Variants in IL1RAPL1 observed in about 807,000 individuals in gnomAD.
The protein encoded by IL1RAPL1 is interleukin-1 receptor accessory protein-like 1.
A neutral mutation model predicts 48.4 loss-of-function variants in IL1RAPL1; 3 were observed. The ratio of observed to expected loss-of-function variants is 0.06; its 90% CI spans 0.03 to 0.16. The LOEUF (loss-of-function observed/expected upper bound fraction) is 0.16, where lower values mean the gene tolerates loss of function less well. Ranked by LOEUF, IL1RAPL1 falls within the 10% of genes least tolerant of loss-of-function variation. IL1RAPL1 has a pLI of 1.00. For missense variants in IL1RAPL1, 349 were observed against 530.6 expected, an observed-to-expected ratio of 0.66 and a Z score of 3.36; for synonymous variants, 185 against 187.7, an observed-to-expected ratio of 0.99 and a Z score of 0.12.
At chrX:28,610,784 A>T (rs1934137611) in intron 1 of IL1RAPL1, among the ~76,000 whole-genome samples, 1 of 110,685 alleles carries the variant, frequency 9.0e-6, no homozygotes, top group African/African-American at 3.3e-5. Context: ...AGGGATTTTA[A>T]TTCAGTAGGT....
intron 2 of IL1RAPL1, among the ~76,000 whole-genome samples, chrX:29,146,610 G>A (rs1235461406): frequency 4.5e-5 from 5 of 111,968 alleles, no homozygotes; most frequent in Admixed American, 9.6e-5. Context: ...ATTGCCTAGA[G>A]TAAGTCCAGA....
intron 2 of IL1RAPL1, among the ~76,000 whole-genome samples, chrX:29,179,204 G>A (rs1405714242): frequency 9.9e-5 from 11 of 111,055 alleles, no homozygotes; most frequent in South Asian, 7.7e-4. Flanking sequence ...CCATTTTCAC[G>A]ATATTGATTC....
At chrX:29,713,991 T>C (rs1306783541) in intron 6 of IL1RAPL1, among the ~76,000 whole-genome samples, 1 of 111,855 alleles carries the variant, frequency 8.9e-6, no homozygotes, top group Non-Finnish European at 1.9e-5. Flanking sequence ...TTTCTTCCCT[T>C]AAAACAGTGT....
At chrX:28,746,513 A>T (rs1428967735) in intron 1 of IL1RAPL1, among the ~76,000 whole-genome samples, 2 of 111,824 alleles carry the variant, frequency 1.8e-5, no homozygotes, top group Non-Finnish European at 3.8e-5. Context: ...TTGATATCCT[A>T]TTTTATAACC....
Position 29,011,582 on chromosome X carries a change from GACAA to G in IL1RAPL1, c.82+222162_82+222165del, listed in dbSNP as rs752638015. ...TAGAAACTGCAAACTAATCTGTAGT[GACAA>G]ACAACAGATCGGTGGTTGCCTAAAG... is the stretch of plus-strand genomic sequence containing the variant. On this transcript the variant is annotated intron_variant, in intron 2 of 10. Transcript: ENST00000378993. Among the ~76,000 whole-genome samples the G allele has an allele frequency of 2.0e-4, 22 of 112,447 alleles. No individual in the cohort carries two copies. In the South Asian group the frequency reaches 8.0e-3, roughly 41 times the overall value.
intron 5 of IL1RAPL1, among the ~76,000 whole-genome samples, chrX:29,666,988 C>A (rs1278800022): frequency 9.0e-6 from 1 of 111,437 alleles, no homozygotes; most frequent in Non-Finnish European, 1.9e-5. Flanking sequence ...ATTATTTAGG[C>A]AGTAGAAAAA....
At chrX:29,556,474 C>A (rs1318341507) in intron 5 of IL1RAPL1, among the ~76,000 whole-genome samples, 1 of 109,758 alleles carries the variant, frequency 9.1e-6, no homozygotes, top group Non-Finnish European at 1.9e-5. Flanking sequence ...ATAGTGAAAC[C>A]CTGTCTCTAC....
intron 8 of IL1RAPL1, among the ~76,000 whole-genome samples, chrX:29,924,138 G>A (rs1256050310): frequency 3.6e-5 from 4 of 111,872 alleles, no homozygotes; most frequent in Non-Finnish European, 5.6e-5. Flanking sequence ...CAATGAACTC[G>A]TATGTGTAAA....
Position 28,969,262 on chromosome X carries a change from G to A in IL1RAPL1, c.82+179837G>A, listed in dbSNP as rs897440399. On this transcript the variant is annotated intron_variant, in intron 2 of 10. Coordinates refer to ENST00000378993, the MANE Select transcript of IL1RAPL1 (RefSeq NM_014271.4). ...TATTAAAACCTACAGAGACAAACAT[G>A]TGTTTGAAATTAATTGTGTTATTCC... 3.0e-4 allele frequency among the ~76,000 whole-genome samples: 34 copies of A among 111,931 alleles called. 1 individual carries two copies. The highest frequency in any genetic ancestry group is 1.9e-5 in the Non-Finnish European group (1 of 53,163).
At chrX:29,145,299 G>A (rs1228306189) in intron 2 of IL1RAPL1, among the ~76,000 whole-genome samples, 1 of 111,890 alleles carries the variant, frequency 8.9e-6, no homozygotes, top group African/African-American at 3.3e-5. Context: ...TGTAAAAGAT[G>A]TAAGGTTAAT....
At position 28,966,375 on chromosome X, in the gene IL1RAPL1, T is replaced by C. The variant is rs189756245; in HGVS notation, c.82+176950T>C. Reference sequence around the variant, plus strand: ...GAGAATGCCTTGAGGTATTCAGATGTCATCTACAACAGGGAAGAAGGGTGA... The same window carrying C: ...GAGAATGCCTTGAGGTATTCAGATGCCATCTACAACAGGGAAGAAGGGTGA... On this transcript the variant is annotated intron_variant, in intron 2 of 10. Transcript: ENST00000378993. Among the ~76,000 whole-genome samples, 202 of 112,212 alleles carry C rather than the reference T, an allele frequency of 1.8e-3. 1 individual carries two copies. The highest frequency in any genetic ancestry group is 3.7e-3 in the South Asian group (10 of 2,738).
intron 6 of IL1RAPL1, among the ~76,000 whole-genome samples, chrX:29,908,897 C>T (rs1214932773): frequency 6.3e-5 from 7 of 111,580 alleles, no homozygotes; most frequent in African/African-American, 1.6e-4. Context: ...ATGCACTTTC[C>T]AAATGTTAGC....
chrX:29,860,087 C>T (rs934145809), intron 6 of IL1RAPL1, among the ~76,000 whole-genome samples: 5 of 111,797 alleles, frequency 4.5e-5, no homozygotes, highest in Non-Finnish European at 9.4e-5. Context: ...ACATTGAGAA[C>T]TGTTTATCAA....
chrX:29,566,838 T>G (rs957428268), intron 5 of IL1RAPL1, among the ~76,000 whole-genome samples: 1 of 111,697 alleles, frequency 9.0e-6, no homozygotes, highest in Non-Finnish European at 1.9e-5. Context: ...AAAAGTAGTT[T>G]TAAAAAACAG....
intron 8 of IL1RAPL1, among the ~76,000 whole-genome samples, chrX:29,923,394 A>G (rs1932861550): frequency 8.9e-6 from 1 of 111,944 alleles, no homozygotes; most frequent in Non-Finnish European, 1.9e-5. Flanking sequence ...CTTACTATAC[A>G]GAGCACTAGA....
At chrX:29,240,193 C>CATATATATAT (rs1931381463) in intron 2 of IL1RAPL1, among the ~76,000 whole-genome samples, 1 of 36,634 alleles carries the variant, frequency 2.7e-5, no homozygotes, top group African/African-American at 1.4e-4. Context: ...TACACACACA[C>CATATATATAT]ACATATATAT....
At chrX:29,665,297 A>T (rs368796078) in intron 5 of IL1RAPL1, among the ~76,000 whole-genome samples, 7 of 112,755 alleles carry the variant, frequency 6.2e-5, no homozygotes, top group Non-Finnish European at 1.1e-4. Flanking sequence ...TTTCTTAACT[A>T]TAAAAAGCCA....
intron 5 of IL1RAPL1, among the ~76,000 whole-genome samples, chrX:29,439,723 T>C (rs1934520607): frequency 9.0e-6 from 1 of 111,122 alleles, no homozygotes; most frequent in African/African-American, 3.3e-5. Flanking sequence ...TTAAGTCTTA[T>C]ATATTATATT....
At chrX:28,952,688 A>G (rs193073857) in intron 2 of IL1RAPL1, among the ~76,000 whole-genome samples, 2 of 111,618 alleles carry the variant, frequency 1.8e-5, no homozygotes, top group East Asian at 5.6e-4. Flanking sequence ...CAAAACCATT[A>G]TTGATGACAT....
Sources: allele counts gnomAD v4.1 joint callset (sites outside exome capture counted in the v4.1 genomes callset), GRCh38; gene constraint gnomAD v4.1.1; transcripts MANE v1.5; gene names NCBI Gene and HGNC (gene_info 2026-07-23, HGNC 2026-07-21).